Variants in AP1AR observed in about 807,000 individuals in gnomAD.
The protein encoded by AP1AR is adaptor related protein complex 1 associated regulatory protein.
A neutral mutation model predicts 46.3 loss-of-function variants in AP1AR; 29 were observed. That is an observed-to-expected ratio of 0.63 (90% CI 0.47 to 0.85). The LOEUF (loss-of-function observed/expected upper bound fraction) is 0.85, where lower values mean the gene tolerates loss of function less well. Among genes scored for constraint, AP1AR ranks in the 40% least tolerant of loss-of-function variants. The pLI is 0.00. For missense variants in AP1AR, 357 were observed against 356.3 expected (o/e 1.00, Z -0.02); for synonymous variants, 122 against 122.9 (o/e 0.99, Z 0.05).
In AP1AR at chr4:112,268,807, T is replaced by C. The variant is rs1269491633; in HGVS notation, c.*398T>C. The C allele has an allele frequency of 1.3e-5, 2 of 153,978 alleles. No individual in the cohort carries two copies. Among genetic ancestry groups the C allele is most frequent in the African/African-American group, 2.4e-5 (1 of 41,506 alleles). 9.5% of individuals were successfully genotyped at this position (153,978 alleles called of 1,614,324 possible). ...GACTTTTTTGTTAATTCTCAGCCGA[T>C]GTGAAGGAAGCATGAGGAGGGATCG... On this transcript the variant is annotated 3_prime_UTR_variant, in exon 10 of 10. Transcript: ENST00000274000.
intron 2 of AP1AR, among the ~76,000 whole-genome samples, chr4:112,253,594 G>C (rs143529325): frequency 2.0e-3 from 298 of 152,278 alleles, no homozygotes; most frequent in Middle Eastern, 0.01. Flanking sequence ...AACAAAGCAG[G>C]AAGTTGAGTT....
rs527622162 is a variant in AP1AR at position 112,242,279 on chromosome 4, G to A, written c.83+10105G>A. ...GCAAGTATCTCCACTTTTGTACCAC[G>A]TTAGTTTCAAATTCTTCCAAATTTC... On this transcript the variant is annotated intron_variant, in intron 1 of 9. Transcript: ENST00000274000. Among the ~76,000 whole-genome samples, 7 of 152,226 alleles carry A rather than the reference G, an allele frequency of 4.6e-5. No individual in the cohort carries two copies. In the South Asian group the frequency reaches 1.5e-3, roughly 32 times the overall value.
intron 1 of AP1AR, among the ~76,000 whole-genome samples, chr4:112,250,685 C>T (rs930271050): frequency 1.3e-5 from 2 of 152,090 alleles, no homozygotes; most frequent in African/African-American, 2.4e-5. Context: ...TTTGCCAAAT[C>T]GAGTATTTAC....
At chr4:112,261,714 G>A (rs1726449946) in intron 5 of AP1AR, among the ~76,000 whole-genome samples, 2 of 151,770 alleles carry the variant, frequency 1.3e-5, no homozygotes, top group Admixed American at 1.3e-4. Flanking sequence ...GAGACCTGTA[G>A]TTCCAGCACT....
chr4:112,246,845 T>C (rs1335105115), intron 1 of AP1AR, among the ~76,000 whole-genome samples: 3 of 152,250 alleles, frequency 2.0e-5, no homozygotes, highest in Non-Finnish European at 4.4e-5. Context: ...GGGACTTTTC[T>C]ACAGAGTTTG....
At chr4:112,247,589 C>T (rs1725778703) in intron 1 of AP1AR, among the ~76,000 whole-genome samples, 1 of 152,168 alleles carries the variant, frequency 6.6e-6, no homozygotes, top group Admixed American at 6.5e-5. Flanking sequence ...TTACACACAT[C>T]CTTATATCTA....
chr4:112,252,247 A>G (rs1725991757), intron 1 of AP1AR, among the ~76,000 whole-genome samples: 1 of 152,224 alleles, frequency 6.6e-6, no homozygotes. Context: ...TCCAAAAAAG[A>G]AAGAAAAGCA....
chr4:112,240,400 C>A (rs530409780), intron 1 of AP1AR, among the ~76,000 whole-genome samples: 1 of 152,172 alleles, frequency 6.6e-6, no homozygotes, highest in Non-Finnish European at 1.5e-5. Flanking sequence ...TTCTTCTGTG[C>A]ATGTTCTTAG....
chr4:112,257,737 AATTTG>A, intron 3 of AP1AR, 30 bp from the exon 4 acceptor site: 1 of 1,256,076 alleles, frequency 8.0e-7, no homozygotes, highest in Non-Finnish European at 1.1e-6. Context: ...TTAGCTAATG[AATTTG>A]TTTTAATTGT....
Position 112,257,756 on chromosome 4 carries a change from A to T in AP1AR, c.160-16A>T. The T allele has an allele frequency of 6.4e-7, 1 of 1,554,734 alleles. No individual in the cohort carries two copies. The highest frequency in any genetic ancestry group is 8.7e-7 in the Non-Finnish European group (1 of 1,153,532). The stretch of plus-strand genomic sequence containing the variant: ...CTAATGAATTTGTTTTAATTGTTTA[A>T]TTAATTTTTGTACAGGGGGAGAGCC... On this transcript the variant is annotated splice_polypyrimidine_tract_variant and intron_variant, in intron 3 of 9. Coordinates refer to ENST00000274000, the MANE Select transcript of AP1AR (RefSeq NM_018569.6).
intron 1 of AP1AR, among the ~76,000 whole-genome samples, chr4:112,247,448 A>G (rs953225821): frequency 6.6e-6 from 1 of 152,212 alleles, no homozygotes; most frequent in South Asian, 2.1e-4. Context: ...GACTCTTTGT[A>G]TGAATGTCAA....
chr4:112,262,981 T>C lies in AP1AR; in HGVS notation c.283-7T>C, dbSNP rs1414146555. The C allele has an allele frequency of 3.7e-6, 6 of 1,608,016 alleles. No homozygotes were observed. In the Admixed American group the frequency reaches 5.0e-5, roughly 13 times the overall value. ...TTGTTAATCCTTATCGTTTTGTTCA[T>C]GTACAGTTAGCCTTACAAGAAGAGA... On this transcript the variant is annotated splice_polypyrimidine_tract_variant and splice_region_variant and intron_variant, in intron 5 of 9. Coordinates refer to ENST00000274000, the MANE Select transcript of AP1AR (RefSeq NM_018569.6).
chr4:112,257,769 C>T lies in AP1AR; in HGVS notation c.160-3C>T. On this transcript the variant is annotated splice_region_variant and splice_polypyrimidine_tract_variant and intron_variant, in intron 3 of 9. Coordinates refer to ENST00000274000, the MANE Select transcript of AP1AR (RefSeq NM_018569.6). ...TTTAATTGTTTAATTAATTTTTGTACAGGGGGAGAGCCCAGGAAGCAGTCA... is the reference window on the plus strand; with the variant it reads ...TTTAATTGTTTAATTAATTTTTGTATAGGGGGAGAGCCCAGGAAGCAGTCA... 2.6e-6 allele frequency: 4 copies of T among 1,555,418 alleles called. No homozygotes were observed. Among genetic ancestry groups the T allele is most frequent in the Middle Eastern group, 2.1e-4 (1 of 4,718 alleles).
chr4:112,235,569 A>G (rs1390900663), intron 1 of AP1AR, among the ~76,000 whole-genome samples: 1 of 152,124 alleles, frequency 6.6e-6, no homozygotes, highest in Non-Finnish European at 1.5e-5. Context: ...AGTACTTTAT[A>G]TTATCTCACT....
At chr4:112,245,308 A>G (rs1226138366) in intron 1 of AP1AR, among the ~76,000 whole-genome samples, 1 of 152,182 alleles carries the variant, frequency 6.6e-6, no homozygotes, top group Non-Finnish European at 1.5e-5. Context: ...AAATTAGCGC[A>G]CTTTTAGATT....
intron 1 of AP1AR, among the ~76,000 whole-genome samples, chr4:112,245,913 G>A (rs1578407243): frequency 6.6e-6 from 1 of 151,960 alleles, no homozygotes; most frequent in South Asian, 2.1e-4. Context: ...TTTTGTAATA[G>A]ATATTGCTGC....
Position 112,272,940 on chromosome 4 carries a change from TA to T in AP1AR, c.*4537del, listed in dbSNP as rs1427974542. On this transcript the variant is annotated 3_prime_UTR_variant, in exon 10 of 10. Transcript: ENST00000274000. ...ATAATTTCTTGAGAATACAGACATC[TA>T]AAAAAGATTTTATGTTAAATATGTA... The T allele has an allele frequency of 6.6e-6, 1 of 152,064 alleles. No homozygotes were observed. Among genetic ancestry groups the T allele is most frequent in the Non-Finnish European group, 1.5e-5 (1 of 67,986 alleles). 9.4% of individuals were successfully genotyped at this position (152,064 alleles called of 1,614,324 possible). A position where few individuals can be genotyped will look rare whatever the true frequency, so the allele number is the denominator to read the frequency against.
At chr4:112,249,601 G>A (rs1725866687) in intron 1 of AP1AR, among the ~76,000 whole-genome samples, 1 of 151,986 alleles carries the variant, frequency 6.6e-6, no homozygotes, top group African/African-American at 2.4e-5. Flanking sequence ...AGGTTGCAGT[G>A]AGTCGAGATC....
Position 112,232,172 on chromosome 4 carries a change from A to T in AP1AR, c.81A>T (p.Gly27=). The change falls in exon 1 of 10, where the codon GGA becomes GGT. Residue 27 remains glycine (G), a splice_region_variant and synonymous_variant. Transcript: ENST00000274000. ...AGRLQRVGGG[G]GSKYFRTCSR... is the part of the protein sequence containing the mutation. The stretch of plus-strand genomic sequence containing the variant: ...GGCTGCAGCGAGTAGGCGGCGGCGG[A>T]GGGTAAGCCCGCTGGGGGAGGGGCC... 7.8e-7 allele frequency: 1 copy of T among 1,278,604 alleles called. No homozygotes were observed. The highest frequency in any genetic ancestry group is 1.0e-6 in the Non-Finnish European group (1 of 1,004,074). The allele number at this position is 1,278,604 out of a possible 1,614,324, so 79.2% of individuals were successfully genotyped here. A position where few individuals can be genotyped will look rare whatever the true frequency, so the allele number is the denominator to read the frequency against.
Sources: gnomAD v4.1 joint callset for allele counts (sites outside exome capture counted in the v4.1 genomes callset) on GRCh38, gnomAD v4.1.1 for gene constraint, MANE v1.5 for transcripts, NCBI Gene and HGNC (gene_info 2026-07-23, HGNC 2026-07-21) for gene names.